Variants in CSRNP3 observed in about 807,000 individuals in gnomAD.
CSRNP3 encodes cysteine and serine rich nuclear protein 3, also known as cysteine/serine-rich nuclear protein 3.
CSRNP3 carries 12 observed loss-of-function variants against 48.0 expected under a neutral mutation model. That is an observed-to-expected ratio of 0.25 (90% CI 0.16 to 0.41). CSRNP3 has a LOEUF of 0.41. Ranked by LOEUF, CSRNP3 falls within the 10% of genes least tolerant of loss-of-function variation. The probability of loss-of-function intolerance (pLI) is 1.00; values close to 1 mark genes in which losing one functional copy is unlikely to be tolerated. For missense variants in CSRNP3, 580 were observed against 724.4 expected, an observed-to-expected ratio of 0.80 and a Z score of 2.29; for synonymous variants, 263 against 269.7, an observed-to-expected ratio of 0.98 and a Z score of 0.24.
chr2:165,588,724 G>A (rs1467921757), intron 3 of CSRNP3, among the ~76,000 whole-genome samples: 2 of 152,186 alleles, frequency 1.3e-5, no homozygotes, highest in Admixed American at 1.3e-4. Flanking sequence ...GGGGGTCGAG[G>A]TGAGAGGGTT....
intron 3 of CSRNP3, among the ~76,000 whole-genome samples, chr2:165,524,318 A>T (rs911189816): frequency 1.3e-5 from 2 of 152,208 alleles, no homozygotes; most frequent in African/African-American, 2.4e-5. Flanking sequence ...ATTACACAAT[A>T]TTAAAGTAAA....
chr2:165,550,358 T>G (rs1685081384), intron 3 of CSRNP3, among the ~76,000 whole-genome samples: 2 of 152,142 alleles, frequency 1.3e-5, no homozygotes, highest in African/African-American at 4.8e-5. Flanking sequence ...AATTATAATG[T>G]GGTCCTGTGG....
Position 165,680,719 on chromosome 2 carries a change from C to T in CSRNP3, c.*966C>T, listed in dbSNP as rs1687520595. On this transcript the variant is annotated 3_prime_UTR_variant, in exon 7 of 7. Coordinates refer to ENST00000651982, the MANE Select transcript of CSRNP3 (RefSeq NM_001172173.2). Reference sequence around the variant, plus strand: ...AAAAAAAAATTAAAAAGATCTTTAACTATTATAAGGTTCATATAATTAATA... The same window carrying T: ...AAAAAAAAATTAAAAAGATCTTTAATTATTATAAGGTTCATATAATTAATA... 1 of 152,210 alleles carries T rather than the reference C, an allele frequency of 6.6e-6. No individual in the cohort carries two copies. Among genetic ancestry groups the T allele is most frequent in the Non-Finnish European group, 1.5e-5 (1 of 68,028 alleles). The allele number at this position is 152,210 out of a possible 1,614,324, so 9.4% of individuals were successfully genotyped here. A position where few individuals can be genotyped will look rare whatever the true frequency, so the allele number is the denominator to read the frequency against.
At chr2:165,624,907 G>A (rs893847379) in intron 4 of CSRNP3, among the ~76,000 whole-genome samples, 5 of 152,156 alleles carry the variant, frequency 3.3e-5, no homozygotes, top group South Asian at 2.1e-4. Context: ...TAAGAAGCCC[G>A]CGGAAAGTGG....
At chr2:165,648,367 T>C (rs1041033206) in intron 4 of CSRNP3, among the ~76,000 whole-genome samples, 7 of 152,208 alleles carry the variant, frequency 4.6e-5, no homozygotes, top group Non-Finnish European at 2.9e-5. Context: ...GCATTTTATG[T>C]TGATGGCTAG....
intron 3 of CSRNP3, among the ~76,000 whole-genome samples, chr2:165,591,290 AT>A (rs1364228055): frequency 2.6e-5 from 4 of 152,232 alleles, no homozygotes; most frequent in Non-Finnish European, 5.9e-5. Flanking sequence ...GATTTAGGAT[AT>A]CTGGCAGAAG....
chr2:165,543,752 G>A (rs1024598207), intron 3 of CSRNP3, among the ~76,000 whole-genome samples: 1 of 151,886 alleles, frequency 6.6e-6, no homozygotes, highest in Non-Finnish European at 1.5e-5. Flanking sequence ...CATAATAATA[G>A]CATCACGTAA....
intron 2 of CSRNP3, among the ~76,000 whole-genome samples, chr2:165,497,083 G>T (rs1684292802): frequency 1.3e-5 from 2 of 152,022 alleles, no homozygotes; most frequent in Non-Finnish European, 2.9e-5. Context: ...TTCCTGGAAG[G>T]TTAACAGTAT....
In CSRNP3 at chr2:165,679,416, C is replaced by T. The variant is rs766623860; in HGVS notation, c.1421C>T (p.Pro474Leu). Residue 474 changes from proline (P) to leucine (L), a missense_variant, in exon 7 of 7, where the codon CCG becomes CTG. Physicochemically the swap from Pro to Leu is moderately conservative, Grantham distance 98 (BLOSUM62 -3). This residue lies in a region of CSRNP3 where 369 missense variants were observed against 380.8 expected (regional missense o/e 0.97). Transcript: ENST00000651982. ...TCGCTGGTGCCTTACACCATGACCC[C>T]GGAGCAATTCGTTGACTATGCCCGA... The part of the protein sequence containing the change: ...TLSLVPYTMT[P>L]EQFVDYARQA... The T allele has an allele frequency of 6.2e-6, 10 of 1,612,786 alleles. No homozygotes were observed. The highest frequency in any genetic ancestry group is 3.3e-5 in the Admixed American group (2 of 59,896).
chr2:165,498,493 C>T (rs964592793), intron 2 of CSRNP3, among the ~76,000 whole-genome samples: 1 of 152,070 alleles, frequency 6.6e-6, no homozygotes, highest in African/African-American at 2.4e-5. Flanking sequence ...CTCACTTAGT[C>T]GCAGCTTCTG....
At chr2:165,604,609 T>A (rs1685978115) in intron 4 of CSRNP3, among the ~76,000 whole-genome samples, 1 of 152,246 alleles carries the variant, frequency 6.6e-6, no homozygotes, top group South Asian at 2.1e-4. Context: ...ATTCTTAACA[T>A]GTACCTTTCT....
At chr2:165,662,127 G>GAAACAAAATAAAGGTGTTATTTTGA (rs1687107593) in intron 5 of CSRNP3, among the ~76,000 whole-genome samples, 1 of 130,314 alleles carries the variant, frequency 7.7e-6, no homozygotes, top group Non-Finnish European at 1.7e-5. Flanking sequence ...TGTTATTTTG[G>GAAACAAAATAAAGGTGTTATTTTGA]AAACAAAATA....
chr2:165,543,960 A>T (rs550868054), intron 3 of CSRNP3, among the ~76,000 whole-genome samples: 1 of 152,068 alleles, frequency 6.6e-6, no homozygotes, highest in South Asian at 2.1e-4. Context: ...CGAGAGATAG[A>T]CAAGGTTAAT....
Position 165,644,248 on chromosome 2 carries a change from C to T in CSRNP3, c.149-13513C>T, listed in dbSNP as rs189540517. ...TTCTAATGCAAAAGTTATGTGTACC[C>T]TCAAGCCATGAAAGTCATGTATCCT... On this transcript the variant is annotated intron_variant, in intron 4 of 6. Transcript: ENST00000651982. Among the ~76,000 whole-genome samples, 34 of 152,156 alleles carry T rather than the reference C, an allele frequency of 2.2e-4. 1 individual carries two copies. Among genetic ancestry groups the T allele is most frequent in the Non-Finnish European group, 1.6e-4 (11 of 68,000 alleles).
intron 3 of CSRNP3, among the ~76,000 whole-genome samples, chr2:165,591,459 C>A (rs1259664088): frequency 6.6e-6 from 1 of 152,184 alleles, no homozygotes; most frequent in Non-Finnish European, 1.5e-5. Context: ...GAATGTTAAT[C>A]ACCAAGACAA....
At chr2:165,504,513 A>G (rs1269606759) in intron 2 of CSRNP3, among the ~76,000 whole-genome samples, 1 of 152,110 alleles carries the variant, frequency 6.6e-6, no homozygotes, top group African/African-American at 2.4e-5. Flanking sequence ...TATACTTTCT[A>G]TAAGAAAATA....
intron 1 of CSRNP3, among the ~76,000 whole-genome samples, chr2:165,492,724 TAAAAA>T (rs11304265): frequency 9.1e-6 from 1 of 110,156 alleles, no homozygotes; most frequent in Admixed American, 9.4e-5. Context: ...ACTATTAGAG[TAAAAA>T]AAAAAAAAAA....
chr2:165,613,144 G>A (rs981912885), intron 4 of CSRNP3, among the ~76,000 whole-genome samples: 3 of 152,046 alleles, frequency 2.0e-5, no homozygotes, highest in Admixed American at 6.5e-5. Flanking sequence ...TCTGATTGTG[G>A]TTTTGATTTG....
In CSRNP3 at chr2:165,658,711, G is replaced by A. The variant is rs112369679; in HGVS notation, c.408+691G>A. On this transcript the variant is annotated intron_variant, in intron 5 of 6. Coordinates refer to ENST00000651982, the MANE Select transcript of CSRNP3 (RefSeq NM_001172173.2). Reference sequence around the variant, plus strand: ...GGGCAAAAGGCACTTATTACATGGCGGCAGCAAGAGGGAAAGTGAGAGCCA... The same window carrying A: ...GGGCAAAAGGCACTTATTACATGGCAGCAGCAAGAGGGAAAGTGAGAGCCA... Among the ~76,000 whole-genome samples the A allele has an allele frequency of 6.2e-4, 94 of 152,224 alleles. 1 individual carries two copies. The highest frequency in any genetic ancestry group is 3.9e-4 in the East Asian group (2 of 5,166).
Sources: allele counts gnomAD v4.1 joint callset (sites outside exome capture counted in the v4.1 genomes callset), GRCh38; gene constraint gnomAD v4.1.1; regional missense constraint gnomAD v4.1.1; transcripts MANE v1.5; gene names NCBI Gene and HGNC (gene_info 2026-07-23, HGNC 2026-07-21).